Variants in TENM4 observed in about 807,000 individuals in gnomAD.
TENM4 encodes teneurin transmembrane protein 4, also known as teneurin-4.
In TENM4, 82 loss-of-function variants were observed where a neutral mutation model predicts 243.3. The ratio of observed to expected loss-of-function variants is 0.34; its 90% CI spans 0.28 to 0.40. The LOEUF (loss-of-function observed/expected upper bound fraction) is 0.40. Among genes scored for constraint, TENM4 ranks in the 10% least tolerant of loss-of-function variants. The pLI is 1.00. For missense variants in TENM4, 3,138 were observed against 3,673.3 expected (o/e 0.85, Z 3.77); for synonymous variants, 1,412 against 1,456.3 (o/e 0.97, Z 0.69).
At chr11:78,896,678 T>TCCCC (rs1193389472) in intron 7 of TENM4, among the ~76,000 whole-genome samples, 1 of 152,000 alleles carries the variant, frequency 6.6e-6, no homozygotes. Context: ...AATTCCTTTC[T>TCCCC]CCCCTGCAAA....
intron 2 of TENM4, among the ~76,000 whole-genome samples, chr11:79,281,414 A>C (rs1228027729): frequency 6.6e-6 from 1 of 152,188 alleles, no homozygotes; most frequent in African/African-American, 2.4e-5. Context: ...TCTTTAGTCC[A>C]GTGGAGATTG....
chr11:78,899,337 A>G (rs944431598), intron 7 of TENM4, among the ~76,000 whole-genome samples: 12 of 152,074 alleles, frequency 7.9e-5, no homozygotes, highest in African/African-American at 2.9e-4. Flanking sequence ...TCACACCTGT[A>G]GAACCAGCAC....
At chr11:79,353,078 C>A (rs938155854) in intron 1 of TENM4, among the ~76,000 whole-genome samples, 1 of 152,006 alleles carries the variant, frequency 6.6e-6, no homozygotes, top group Non-Finnish European at 1.5e-5. Flanking sequence ...GGGGGACAGG[C>A]AGGGGGAAAG....
intron 1 of TENM4, among the ~76,000 whole-genome samples, chr11:79,343,036 C>T (rs1046006447): frequency 2.6e-5 from 4 of 152,228 alleles, no homozygotes; most frequent in East Asian, 1.9e-4. Context: ...TGCCCTGAAG[C>T]GTGGTGGGCT....
At chr11:79,035,617 C>T (rs151107231) in intron 6 of TENM4, among the ~76,000 whole-genome samples, 1 of 151,792 alleles carries the variant, frequency 6.6e-6, no homozygotes, top group African/African-American at 2.4e-5. Flanking sequence ...CTTGTTAACA[C>T]AAAAACATAT....
At chr11:78,862,726 C>T (rs896229486) in intron 10 of TENM4, among the ~76,000 whole-genome samples, 1 of 152,166 alleles carries the variant, frequency 6.6e-6, no homozygotes, top group African/African-American at 2.4e-5. Flanking sequence ...GGATGGGATT[C>T]TGCTGAGCAC....
intron 6 of TENM4, among the ~76,000 whole-genome samples, chr11:78,985,808 T>C (rs559358404): frequency 7.0e-4 from 106 of 152,180 alleles, no homozygotes; most frequent in African/African-American, 2.5e-3. Context: ...GGCTGCTGGG[T>C]TCAATGAAGG....
intron 6 of TENM4, among the ~76,000 whole-genome samples, chr11:79,024,692 T>C (rs1249686952): frequency 1.3e-5 from 2 of 152,212 alleles, no homozygotes; most frequent in African/African-American, 2.4e-5. Context: ...TGGAAAGGGA[T>C]TGACACACAT....
intron 12 of TENM4, among the ~76,000 whole-genome samples, chr11:78,831,735 T>A (rs1476165584): frequency 6.6e-6 from 1 of 152,192 alleles, no homozygotes; most frequent in Non-Finnish European, 1.5e-5. Context: ...AGACTTCCCA[T>A]AGTTTGAGCT....
At chr11:79,376,329 C>G (rs1353337228) in intron 1 of TENM4, among the ~76,000 whole-genome samples, 1 of 152,220 alleles carries the variant, frequency 6.6e-6, no homozygotes, top group Non-Finnish European at 1.5e-5. Flanking sequence ...AGATTTGTCT[C>G]AGCCTGAAAA....
intron 1 of TENM4, among the ~76,000 whole-genome samples, chr11:79,342,039 C>G (rs17138147): frequency 0.069 from 10,574 of 152,250 alleles, 431 homozygotes; most frequent in Middle Eastern, 0.085. Flanking sequence ...CTCTTGTTCT[C>G]TCTGGGCCAT....
At chr11:79,168,132 G>T (rs1182235241) in intron 3 of TENM4, among the ~76,000 whole-genome samples, 2 of 152,232 alleles carry the variant, frequency 1.3e-5, no homozygotes, top group Non-Finnish European at 2.9e-5. Context: ...ATGGGCTCTG[G>T]GTCTGAGTAA....
intron 17 of TENM4, among the ~76,000 whole-genome samples, chr11:78,772,830 C>T (rs1348464040): frequency 1.3e-5 from 2 of 152,230 alleles, no homozygotes; most frequent in Non-Finnish European, 2.9e-5. Context: ...ACTCCAGCCT[C>T]GGAGGGATTC....
chr11:78,921,000 T>C (rs1856436497), intron 6 of TENM4, among the ~76,000 whole-genome samples: 1 of 152,242 alleles, frequency 6.6e-6, no homozygotes, highest in South Asian at 2.1e-4. Flanking sequence ...TTTAACGCTA[T>C]CAACTTCATT....
rs545892111 is a variant in TENM4 at position 79,350,627 on chromosome 11, T to TG, written c.-320-53085dup. ...TCTTTTTTTTTTTCCTTGGTAGAGA[T>TG]GGGGGTCTCACTGTGTCACCCAGGC... On this transcript the variant is annotated intron_variant, in intron 1 of 33. Coordinates refer to ENST00000278550, the MANE Select transcript of TENM4 (RefSeq NM_001098816.3). Among the ~76,000 whole-genome samples the TG allele has an allele frequency of 7.3e-4, 109 of 149,744 alleles. 2 individuals carry two copies. In the East Asian group the frequency reaches 0.014, roughly 20 times the overall value.
At chr11:78,826,037 C>T (rs969688735) in intron 12 of TENM4, among the ~76,000 whole-genome samples, 1 of 147,420 alleles carries the variant, frequency 6.8e-6, no homozygotes, top group Admixed American at 6.8e-5. Flanking sequence ...ACCAAGCTCT[C>T]TACTACTTAC....
At chr11:79,010,294 T>A (rs2705230) in intron 6 of TENM4, among the ~76,000 whole-genome samples, 65,872 of 151,466 alleles carry the variant, frequency 0.43, 15,369 homozygotes, top group African/African-American at 0.62. Context: ...AGGAACTCAC[T>A]GTTTGCGGGG....
chr11:79,211,014 C>T lies in TENM4; in HGVS notation c.-163+4794G>A, dbSNP rs140605016. Among the ~76,000 whole-genome samples the T allele has an allele frequency of 2.3e-3, 353 of 152,188 alleles. 3 individuals are homozygous for T. The highest frequency in any genetic ancestry group is 7.2e-3 in the African/African-American group (298 of 41,506). ...ATCCAAACCTTTCCCCGGTAGGCAC[C>T]GACCCCAACCTGGAACCACACCTGC... On this transcript the variant is annotated intron_variant, in intron 3 of 33. Coordinates refer to ENST00000278550, the MANE Select transcript of TENM4 (RefSeq NM_001098816.3).
intron 3 of TENM4, among the ~76,000 whole-genome samples, chr11:79,161,039 G>T (rs894914858): frequency 6.6e-6 from 1 of 152,138 alleles, no homozygotes; most frequent in Non-Finnish European, 1.5e-5. Flanking sequence ...AGCCATCTTT[G>T]TCTCTGGGGT....
Sources: allele counts gnomAD v4.1 joint callset (sites outside exome capture counted in the v4.1 genomes callset), GRCh38; gene constraint gnomAD v4.1.1; transcripts MANE v1.5; gene names NCBI Gene and HGNC (gene_info 2026-07-23, HGNC 2026-07-21).